Variants in NSD2 observed in about 807,000 individuals in gnomAD.
NSD2 encodes histone-lysine N-methyltransferase NSD2.
In NSD2, 12 loss-of-function variants were observed where a neutral mutation model predicts 139.0. The observed-to-expected ratio is 0.09, with a 90% CI of 0.06 to 0.14. The LOEUF (loss-of-function observed/expected upper bound fraction) is 0.14. Ranked by LOEUF, NSD2 falls within the 10% of genes least tolerant of loss-of-function variation. The pLI, the probability that NSD2 is intolerant of heterozygous loss-of-function variation, is 1.00. For synonymous variants in NSD2, 669 were observed against 648.7 expected, an observed-to-expected ratio of 1.03 and a Z score of -0.48; for missense variants, 1,155 against 1,745.0, an observed-to-expected ratio of 0.66 and a Z score of 6.02.
intron 20 of NSD2, chr4:1,975,618 A>G (rs1317684215): frequency 3.7e-6 from 2 of 543,602 alleles, no homozygotes; most frequent in Non-Finnish European, 6.6e-6. Context: ...TGCCAGAACA[A>G]TGCCTCACAG....
rs1411734064 is a variant in NSD2, at chr4:1,974,753, G to A, written c.3373-110G>A. 6.7e-7 allele frequency: 1 copy of A among 1,501,302 alleles called. No individual in the cohort carries two copies. Among genetic ancestry groups the A allele is most frequent in the Admixed American group, 1.7e-5 (1 of 59,534 alleles). 93.0% of individuals were successfully genotyped at this position (1,501,302 alleles called of 1,614,324 possible). A position where few individuals can be genotyped will look rare whatever the true frequency, so the allele number is the denominator to read the frequency against. On this transcript the variant is annotated intron_variant, in intron 18 of 21. Transcript: ENST00000508803. This position sits in a 1 kb window ranked among gnomAD's most constrained non-coding sequence, Gnocchi z 4.0. ...TGGACACAGGACACCACGGTTTTCA[G>A]TACAACAAGGAACACAACTTGTTCA...
At chr4:1,900,539 A>C in intron 1 of NSD2, 87 bp from the exon 2 acceptor site, 2 of 824,972 alleles carry the variant, frequency 2.4e-6, no homozygotes, top group Non-Finnish European at 3.6e-6. Flanking sequence ...ATCAGACCCC[A>C]CAAAGCTGTA....
intron 9 of NSD2, chr4:1,947,598 G>T (rs978488295): frequency 2.8e-6 from 3 of 1,053,896 alleles, no homozygotes; most frequent in Non-Finnish European, 3.4e-6. Context: ...ATTTTACTGT[G>T]CTGTTAACTT....
intron 7 of NSD2, 105 bp downstream of exon 7, chr4:1,935,367 G>A: frequency 1.2e-6 from 1 of 803,772 alleles, no homozygotes. Context: ...AGGTGTCAGT[G>A]CACCCAGCTC....
chr4:1,946,067 GT>G lies in NSD2; in HGVS notation c.1882-4999del, dbSNP rs565070861. On this transcript the variant is annotated intron_variant, in intron 9 of 21. Coordinates refer to ENST00000508803, the MANE Select transcript of NSD2 (RefSeq NM_001042424.3). ...TAAAATCAATAGATTCATCACCTTAGTTTTTTAAAAAAAATCTATAAATAGG... is the reference window on the plus strand; with the variant it reads ...TAAAATCAATAGATTCATCACCTTAGTTTTTAAAAAAAATCTATAAATAGG... 2,697 of 1,031,588 alleles carry G rather than the reference GT, an allele frequency of 2.6e-3. 4 individuals are homozygous for G. The highest frequency in any genetic ancestry group is 3.0e-3 in the Non-Finnish European group (2,611 of 858,028). 63.9% of individuals were successfully genotyped at this position (1,031,588 alleles called of 1,614,324 possible).
chr4:1,973,051 C>T lies in NSD2; in HGVS notation c.3373-1812C>T, dbSNP rs575449490. Among the ~76,000 whole-genome samples the T allele has an allele frequency of 1.3e-5, 2 of 152,240 alleles. No homozygotes were observed. Among genetic ancestry groups the T allele is most frequent in the South Asian group, 2.1e-4 (1 of 4,820 alleles). On this transcript the variant is annotated intron_variant, in intron 18 of 21. Coordinates refer to ENST00000508803, the MANE Select transcript of NSD2 (RefSeq NM_001042424.3). The surrounding 1 kb of genome is among the most constrained non-coding windows in gnomAD (Gnocchi z 5.5). ...GTATTTTTATTAGAGACAGTTTCAC[C>T]ATGTTGGCCAGGCTGGTTTCGAACT...
At chr4:1,941,807 CAAAT>C (rs982080822) in intron 9 of NSD2, 137 of 1,051,362 alleles carry the variant, frequency 1.3e-4, no homozygotes, top group Admixed American at 1.6e-4. Flanking sequence ...TTTAGGTGAA[CAAAT>C]AAACTTGTCT....
intron 9 of NSD2, chr4:1,945,964 C>T: frequency 8.6e-6 from 9 of 1,051,764 alleles, no homozygotes; most frequent in Non-Finnish European, 1.0e-5. Context: ...AAAGCTTCCT[C>T]TGGCCAGGTA....
At chr4:1,889,391 T>G (rs947165931) in intron 1 of NSD2, among the ~76,000 whole-genome samples, 1 of 152,008 alleles carries the variant, frequency 6.6e-6, no homozygotes, top group African/African-American at 2.4e-5. Flanking sequence ...CTGAGGTTCT[T>G]GCTATGTTGC....
In NSD2 at chr4:1,948,335, T is replaced by C; in HGVS notation, c.1882-2737T>C. 9.4e-7 allele frequency: 1 copy of C among 1,065,486 alleles called. No individual in the cohort carries two copies. The highest frequency in any genetic ancestry group is 1.1e-6 in the Non-Finnish European group (1 of 878,420). The allele number at this position is 1,065,486 out of a possible 1,614,324, so 66.0% of individuals were successfully genotyped here. Reference sequence around the variant, plus strand: ...AGATCGTAGATGTTGTAGACTGAGATTTGGGACTATGTTGGGACCGTACAG... The same window carrying C: ...AGATCGTAGATGTTGTAGACTGAGACTTGGGACTATGTTGGGACCGTACAG... On this transcript the variant is annotated intron_variant, in intron 9 of 21. Transcript: ENST00000508803. This position sits in a 1 kb window ranked among gnomAD's most constrained non-coding sequence, Gnocchi z 4.5.
At chr4:1,908,218 G>C (rs965323011) in intron 3 of NSD2, among the ~76,000 whole-genome samples, 1 of 152,172 alleles carries the variant, frequency 6.6e-6, no homozygotes, top group African/African-American at 2.4e-5. Flanking sequence ...GCTTTCTCAT[G>C]ATCAGACCTA....
intron 1 of NSD2, among the ~76,000 whole-genome samples, chr4:1,896,150 G>A (rs189066047): frequency 1.0e-3 from 155 of 152,352 alleles, no homozygotes; most frequent in Non-Finnish European, 1.9e-3. Context: ...CACACTTGGT[G>A]CTCCTAATCA....
chr4:1,878,364 T>A (rs984884410), intron 1 of NSD2, among the ~76,000 whole-genome samples: 3 of 145,436 alleles, frequency 2.1e-5, no homozygotes, highest in Admixed American at 1.4e-4. Flanking sequence ...TGTCTTGGCC[T>A]CCCAAAGTGT....
At position 1,948,577 on chromosome 4, in the gene NSD2, ATC is replaced by A; in HGVS notation, c.1882-2491_1882-2490del. The A allele has an allele frequency of 9.4e-7, 1 of 1,063,688 alleles. No homozygotes were observed. The highest frequency in any genetic ancestry group is 1.6e-5 in the African/African-American group (1 of 60,966). The allele number at this position is 1,063,688 out of a possible 1,614,324, so 65.9% of individuals were successfully genotyped here. On this transcript the variant is annotated intron_variant, in intron 9 of 21. Transcript: ENST00000508803. This position sits in a 1 kb window ranked among gnomAD's most constrained non-coding sequence, Gnocchi z 4.5. The stretch of plus-strand genomic sequence containing the variant: ...GGGGGTGTGGTGGGAAAAAGTCGGA[ATC>A]TCTGCAATCTGTGTCATGGACTGTA...
chr4:1,913,807 C>T (rs1234867483), intron 3 of NSD2, among the ~76,000 whole-genome samples: 2 of 152,180 alleles, frequency 1.3e-5, no homozygotes, highest in African/African-American at 4.8e-5. Context: ...CTGTGCCCAG[C>T]TGTCTTTTCT....
chr4:1,912,937 C>T (rs1229041286), intron 3 of NSD2, among the ~76,000 whole-genome samples: 1 of 152,080 alleles, frequency 6.6e-6, no homozygotes, highest in African/African-American at 2.4e-5. Flanking sequence ...AGGCAAGAGA[C>T]TGAAGGCACA....
chr4:1,956,641 C>T lies in NSD2; in HGVS notation c.2881+453C>T, dbSNP rs138358803. Among the ~76,000 whole-genome samples, 138 of 152,152 alleles carry T rather than the reference C, an allele frequency of 9.1e-4. No individual in the cohort carries two copies. Among genetic ancestry groups the T allele is most frequent in the Non-Finnish European group, 1.7e-3 (116 of 68,018 alleles). ...CAGCTGGGGTGGGAGGCAGGAGCAACGATGTGGCATGGCTGGCTGATGACC... is the reference window on the plus strand; with the variant it reads ...CAGCTGGGGTGGGAGGCAGGAGCAATGATGTGGCATGGCTGGCTGATGACC... On this transcript the variant is annotated intron_variant, in intron 15 of 21. Coordinates refer to ENST00000508803, the MANE Select transcript of NSD2 (RefSeq NM_001042424.3). This position sits in a 1 kb window ranked among gnomAD's most constrained non-coding sequence, Gnocchi z 5.3.
chr4:1,883,280 A>G (rs1714839072), intron 1 of NSD2, among the ~76,000 whole-genome samples: 1 of 152,260 alleles, frequency 6.6e-6, no homozygotes, highest in South Asian at 2.1e-4. Context: ...TCCTTAGCTC[A>G]AGTAACAGTT....
intron 1 of NSD2, among the ~76,000 whole-genome samples, chr4:1,882,824 A>G (rs1441970442): frequency 6.6e-6 from 1 of 152,202 alleles, no homozygotes; most frequent in Non-Finnish European, 1.5e-5. Context: ...GCACATTTTC[A>G]TGTCTCAGAC....
Sources: allele counts gnomAD v4.1 joint callset (sites outside exome capture counted in the v4.1 genomes callset), GRCh38; gene constraint gnomAD v4.1.1; non-coding constraint Gnocchi (gnomAD v3.1); transcripts MANE v1.5; gene names NCBI Gene and HGNC (gene_info 2026-07-23, HGNC 2026-07-21).